Variants in PLB1 observed in about 807,000 individuals in gnomAD.
PLB1 encodes phospholipase B1, membrane-associated.
A neutral mutation model predicts 227.4 loss-of-function variants in PLB1; 242 were observed. The observed-to-expected ratio is 1.06, with a 90% CI of 0.96 to 1.18. PLB1 has a LOEUF of 1.18. Among genes scored for constraint, PLB1 ranks in the 50% most tolerant of loss-of-function variants. The probability of loss-of-function intolerance (pLI) is 0.00; values close to 1 mark genes in which losing one functional copy is unlikely to be tolerated. For synonymous variants in PLB1, 757 were observed against 682.2 expected (o/e 1.11, Z -1.71); for missense variants, 1,858 against 1,816.3 (o/e 1.02, Z -0.42).
chr2:28,614,881 G>A (rs1685975591), intron 44 of PLB1, among the ~76,000 whole-genome samples: 1 of 152,174 alleles, frequency 6.6e-6, no homozygotes, highest in Non-Finnish European at 1.5e-5. Context: ...ACTATTCCAG[G>A]AAGACAGAAA....
rs745419030 is a variant in PLB1 at position 28,632,937 on chromosome 2, G to T, written c.4003-7G>T. 4.3e-6 allele frequency: 7 copies of T among 1,611,736 alleles called. No individual in the cohort carries two copies. In the South Asian group the frequency reaches 7.7e-5, roughly 18 times the overall value. On this transcript the variant is annotated splice_region_variant and splice_polypyrimidine_tract_variant and intron_variant, in intron 55 of 57. Coordinates refer to ENST00000327757, the MANE Select transcript of PLB1 (RefSeq NM_153021.5). ...CAGGATGATAACCTCCTTGCCGTTG[G>T]TTGCAGAGAGGGGACACTGACCTCA...
At chr2:28,613,971 C>T (rs1685832820) in intron 43 of PLB1, 60 bp from the exon 44 acceptor site, 2 of 1,400,730 alleles carry the variant, frequency 1.4e-6, no homozygotes, top group Non-Finnish European at 2.0e-6. Flanking sequence ...AGTTTTTCTC[C>T]TTCTCAAGCA....
intron 17 of PLB1, among the ~76,000 whole-genome samples, chr2:28,556,325 A>G (rs1675108591): frequency 6.6e-6 from 1 of 152,194 alleles, no homozygotes; most frequent in African/African-American, 2.4e-5. Flanking sequence ...CCTCATTCTG[A>G]GTACACTTCA....
intron 44 of PLB1, among the ~76,000 whole-genome samples, chr2:28,614,540 G>A (rs1396255432): frequency 2.0e-5 from 3 of 152,140 alleles, no homozygotes; most frequent in Admixed American, 1.3e-4. Context: ...GGCCTTGTTT[G>A]GTTCAAGTCA....
intron 51 of PLB1, 42 bp downstream of exon 51, chr2:28,626,550 TGCTGAC>T: frequency 6.4e-7 from 1 of 1,561,286 alleles, no homozygotes; most frequent in South Asian, 1.1e-5. Context: ...AGAAGGAAGG[TGCTGAC>T]CTCTGGCAAC....
At chr2:28,543,533 G>A (rs972782585) in intron 14 of PLB1, among the ~76,000 whole-genome samples, 8 of 152,246 alleles carry the variant, frequency 5.3e-5, no homozygotes, top group African/African-American at 1.9e-4. Context: ...CAGAGGTGGG[G>A]CCGTTTCTCA....
At chr2:28,591,615 T>A in intron 30 of PLB1, 85 bp from the exon 31 acceptor site, 1 of 1,405,340 alleles carries the variant, frequency 7.1e-7, no homozygotes, top group Non-Finnish European at 1.0e-6. Flanking sequence ...ATCTGTATTT[T>A]TCAAAGTTCT....
chr2:28,521,222 G>A (rs551362809), intron 4 of PLB1, among the ~76,000 whole-genome samples: 1 of 152,200 alleles, frequency 6.6e-6, no homozygotes, highest in Non-Finnish European at 1.5e-5. Context: ...TGCAAACAAT[G>A]CTGCTATGAA....
At chr2:28,640,798 C>A in intron 56 of PLB1, 129 bp from the exon 57 acceptor site, 1 of 943,320 alleles carries the variant, frequency 1.1e-6, no homozygotes, top group Non-Finnish European at 1.6e-6. Flanking sequence ...GGCCAAAAAC[C>A]AGCCACTTCG....
At chr2:28,583,080 T>C (rs538537474) in intron 25 of PLB1, among the ~76,000 whole-genome samples, 2 of 152,260 alleles carry the variant, frequency 1.3e-5, no homozygotes, top group South Asian at 4.1e-4. Context: ...TGAGAGGACG[T>C]CTTCACCCCT....
chr2:28,566,646 T>A, intron 19 of PLB1, 150 bp from the exon 20 acceptor site: 1 of 801,500 alleles, frequency 1.2e-6, no homozygotes, highest in Non-Finnish European at 2.1e-6. Context: ...GTTTGCTTTT[T>A]CCGTTTTTCT....
intron 1 of PLB1, among the ~76,000 whole-genome samples, chr2:28,508,201 T>A (rs956840933): frequency 6.6e-6 from 1 of 152,238 alleles, no homozygotes; most frequent in Admixed American, 6.5e-5. Context: ...CACATGGCTC[T>A]GTTATACCTT....
At chr2:28,502,529 C>T (rs1006986832) in intron 1 of PLB1, among the ~76,000 whole-genome samples, 1 of 152,064 alleles carries the variant, frequency 6.6e-6, no homozygotes, top group South Asian at 2.1e-4. Context: ...AATAGACTTG[C>T]TAATACTGAA....
chr2:28,558,931 C>T (rs939173205), intron 17 of PLB1, among the ~76,000 whole-genome samples: 1 of 152,118 alleles, frequency 6.6e-6, no homozygotes, highest in Admixed American at 6.5e-5. Flanking sequence ...CACTATATTG[C>T]CCAGGCTGGT....
chr2:28,596,505 T>C (rs779930867), intron 33 of PLB1, among the ~76,000 whole-genome samples: 1 of 152,256 alleles, frequency 6.6e-6, no homozygotes, highest in Non-Finnish European at 1.5e-5. Flanking sequence ...TTTGTGTTTG[T>C]GTGTCTATGT....
At chr2:28,516,352 A>G (rs939210708) in intron 1 of PLB1, among the ~76,000 whole-genome samples, 2 of 152,160 alleles carry the variant, frequency 1.3e-5, no homozygotes, top group Non-Finnish European at 2.9e-5. Flanking sequence ...CATGGCTGCT[A>G]GGAATCCTGT....
intron 30 of PLB1, among the ~76,000 whole-genome samples, chr2:28,591,468 C>T (rs1241815936): frequency 6.6e-6 from 1 of 152,186 alleles, no homozygotes; most frequent in African/African-American, 2.4e-5. Context: ...TTTGTTGCTG[C>T]CCTGATTCTT....
chr2:28,620,915 T>A lies in PLB1; in HGVS notation c.3464T>A (p.Phe1155Tyr), dbSNP rs755737889. 1 of 1,613,954 alleles carries A rather than the reference T, an allele frequency of 6.2e-7. No individual in the cohort carries two copies. Among genetic ancestry groups the A allele is most frequent in the Non-Finnish European group, 8.5e-7 (1 of 1,179,946 alleles). The part of the protein sequence containing the change: ...LKKFNPYLLG[F>Y]STSTWEGTAG... ...AAGTTCAACCCTTACCTCCTTGGCT[T>A]CTCTACCAGCACCTGGGAGGGGACA... Residue 1155 changes from phenylalanine to tyrosine, a missense_variant, in exon 49 of 58, where the codon TTC (phenylalanine) becomes TAC (tyrosine). Physicochemically the swap from Phe to Tyr is conservative, Grantham distance 22 (BLOSUM62 3). Transcript: ENST00000327757.
At chr2:28,592,618 G>T in intron 31 of PLB1, 43 bp from the exon 32 acceptor site, 1 of 1,597,520 alleles carries the variant, frequency 6.3e-7, no homozygotes, top group Non-Finnish European at 8.6e-7. Flanking sequence ...TGTGACTGTG[G>T]CTTCCCTCCT....
Sources: gnomAD v4.1 joint callset for allele counts (sites outside exome capture counted in the v4.1 genomes callset) on GRCh38, gnomAD v4.1.1 for gene constraint, MANE v1.5 for transcripts, NCBI Gene and HGNC (gene_info 2026-07-23, HGNC 2026-07-21) for gene names.